Variants in KLHL22 observed in about 807,000 individuals in gnomAD.
The protein encoded by KLHL22 is kelch-like protein 22.
Under a neutral mutation model 60.7 loss-of-function variants are expected in KLHL22, and 18 were observed. That is an observed-to-expected ratio of 0.30 (90% CI 0.20 to 0.44). The LOEUF is 0.44. Among genes scored for constraint, KLHL22 ranks in the 20% least tolerant of loss-of-function variants. KLHL22 has a pLI of 1.00. For missense variants in KLHL22, 596 were observed against 852.3 expected (o/e 0.70, Z 3.74); for synonymous variants, 355 against 354.5 (o/e 1.00, Z -0.01).
rs1360445278 is a variant in KLHL22, at chr22:20,446,602, C to G, written c.1380G>C (p.Leu460=). 2.3e-5 allele frequency: 37 copies of G among 1,613,894 alleles called. No individual in the cohort carries two copies. Among genetic ancestry groups the G allele is most frequent in the Non-Finnish European group, 3.1e-5 (36 of 1,180,032 alleles). ...ITCGRRGEDY[L]KETHCYDPGS... is the part of the protein sequence containing the mutation. ...CTGGATCGTAGCAGTGTGTCTCTTT[C>G]AGGTAATCCTCCCCTCTGCGGCCGC... is the stretch of plus-strand genomic sequence containing the variant. Residue 460 remains leucine, a synonymous_variant, in exon 6 of 7, where the codon CTG becomes CTC. Coordinates refer to ENST00000328879, the MANE Select transcript of KLHL22 (RefSeq NM_032775.4).
At chr22:20,457,225 A>G (rs1434260519) in intron 5 of KLHL22, among the ~76,000 whole-genome samples, 1 of 152,074 alleles carries the variant, frequency 6.6e-6, no homozygotes, top group Non-Finnish European at 1.5e-5. Context: ...ATAATTTTAA[A>G]CATCTTCAAA....
intron 2 of KLHL22, chr22:20,484,149 T>C (rs5749808): frequency 0.33 from 212,065 of 642,668 alleles, 36,358 homozygotes; most frequent in East Asian, 0.48. Flanking sequence ...CAGGCTTTGC[T>C]GATGACCTAA....
chr22:20,492,775 A>G (rs2053711642), intron 1 of KLHL22, among the ~76,000 whole-genome samples: 1 of 152,172 alleles, frequency 6.6e-6, no homozygotes, highest in African/African-American at 2.4e-5. Context: ...CATTTTTAGC[A>G]GAAATGGGGT....
intron 2 of KLHL22, among the ~76,000 whole-genome samples, chr22:20,476,691 G>A (rs1027576151): frequency 1.4e-5 from 2 of 148,120 alleles, no homozygotes; most frequent in Non-Finnish European, 3.0e-5. Flanking sequence ...GGTATTACAG[G>A]CGTGAGCCAC....
chr22:20,454,893 C>T (rs555890160), intron 5 of KLHL22, among the ~76,000 whole-genome samples: 26 of 152,060 alleles, frequency 1.7e-4, no homozygotes, highest in African/African-American at 4.1e-4. Context: ...TGTTTTGAGA[C>T]GGAGTCTTGG....
intron 2 of KLHL22, among the ~76,000 whole-genome samples, chr22:20,473,058 T>C (rs1175018970): frequency 2.6e-5 from 4 of 152,132 alleles, no homozygotes; most frequent in African/African-American, 9.7e-5. Flanking sequence ...ACAGTCCAGA[T>C]TGAAATCTGA....
At chr22:20,471,193 CCA>C (rs2053321139) in intron 3 of KLHL22, among the ~76,000 whole-genome samples, 155 bp downstream of exon 3, 1 of 152,178 alleles carries the variant, frequency 6.6e-6, no homozygotes, top group African/African-American at 2.4e-5. Context: ...AGGAACAACT[CCA>C]GAGTCTTCCC....
intron 2 of KLHL22, among the ~76,000 whole-genome samples, chr22:20,474,967 A>C (rs986191793): frequency 6.6e-6 from 1 of 152,226 alleles, no homozygotes; most frequent in African/African-American, 2.4e-5. Flanking sequence ...GCTCTAACTC[A>C]CCACCACAAA....
At chr22:20,454,709 G>A (rs1402026593) in intron 5 of KLHL22, among the ~76,000 whole-genome samples, 1 of 152,136 alleles carries the variant, frequency 6.6e-6, no homozygotes, top group Non-Finnish European at 1.5e-5. Flanking sequence ...GAGGAATTCT[G>A]TATTAATATA....
intron 3 of KLHL22, among the ~76,000 whole-genome samples, chr22:20,470,516 C>A (rs1467376355): frequency 3.3e-5 from 5 of 152,022 alleles, no homozygotes; most frequent in Admixed American, 3.3e-4. Flanking sequence ...GGTGTAGTGG[C>A]ACATGCCTAT....
chr22:20,490,025 C>A (rs935285352), intron 1 of KLHL22, among the ~76,000 whole-genome samples: 1 of 152,208 alleles, frequency 6.6e-6, no homozygotes, highest in African/African-American at 2.4e-5. Flanking sequence ...AATGAACCTA[C>A]TGCAAATGCA....
intron 2 of KLHL22, among the ~76,000 whole-genome samples, chr22:20,481,007 A>G (rs1771654819): frequency 6.6e-6 from 1 of 151,262 alleles, no homozygotes; most frequent in African/African-American, 2.4e-5. Context: ...AATTTTTTGT[A>G]TTTTTAGTAG....
chr22:20,470,830 GCAT>G (rs1209752477), intron 3 of KLHL22, among the ~76,000 whole-genome samples: 12 of 142,882 alleles, frequency 8.4e-5, no homozygotes, highest in Admixed American at 1.4e-4. Context: ...ATGGATGGAT[GCAT>G]GCATGCATGG....
chr22:20,454,673 T>C (rs2146191387), intron 5 of KLHL22, among the ~76,000 whole-genome samples: 1 of 152,298 alleles, frequency 6.6e-6, no homozygotes, highest in East Asian at 1.9e-4. Flanking sequence ...AATACTAGTA[T>C]TCCTGTATTA....
In KLHL22 at chr22:20,480,307, A is replaced by G. The variant is rs1360127611; in HGVS notation, c.227+8678T>C. Among the ~76,000 whole-genome samples, 3 of 152,212 alleles carry G rather than the reference A, an allele frequency of 2.0e-5. No individual in the cohort carries two copies. In the East Asian group the frequency reaches 5.8e-4, roughly 29 times the overall value. On this transcript the variant is annotated intron_variant, in intron 2 of 6. Transcript: ENST00000328879. ...AATGTGAATAATCGTAATATTACTG[A>G]ACTAGATGGTAAGTGTTATTTGTGT...
At chr22:20,471,231 G>T in intron 3 of KLHL22, 119 bp downstream of exon 3, 4 of 916,498 alleles carry the variant, frequency 4.4e-6, no homozygotes, top group Non-Finnish European at 6.5e-6. Context: ...GTCACTGCTT[G>T]GTCTCCTCAC....
intron 2 of KLHL22, chr22:20,488,677 G>A (rs2053627772): frequency 4.3e-6 from 1 of 233,498 alleles, no homozygotes; most frequent in Admixed American, 5.8e-5. Context: ...GGGGAGGAAT[G>A]GTAAGGGAGG....
In KLHL22 at chr22:20,495,316, G is replaced by A. The variant is rs115435672; in HGVS notation, c.-34+444C>T. Among the ~76,000 whole-genome samples, 1,287 of 152,328 alleles carry A rather than the reference G, an allele frequency of 8.4e-3. 26 individuals carry two copies. The highest frequency in any genetic ancestry group is 0.029 in the African/African-American group (1,199 of 41,578). Reference sequence around the variant, plus strand: ...GCAAGGCTGGGCTCCTACGGCTGCAGTCCCCGGGCCCGATCGAGGGAACTG... The same window carrying A: ...GCAAGGCTGGGCTCCTACGGCTGCAATCCCCGGGCCCGATCGAGGGAACTG... On this transcript the variant is annotated intron_variant, in intron 1 of 6. Coordinates refer to ENST00000328879, the MANE Select transcript of KLHL22 (RefSeq NM_032775.4). This position sits in a 1 kb window ranked among gnomAD's most constrained non-coding sequence, Gnocchi z 4.6.
At chr22:20,467,575 CT>C (rs905995190) in intron 3 of KLHL22, among the ~76,000 whole-genome samples, 21 of 152,296 alleles carry the variant, frequency 1.4e-4, no homozygotes, top group African/African-American at 4.6e-4. Flanking sequence ...ATCAGTTTCT[CT>C]AAAAATGGGA....
Sources: allele counts gnomAD v4.1 joint callset (sites outside exome capture counted in the v4.1 genomes callset), GRCh38; gene constraint gnomAD v4.1.1; non-coding constraint Gnocchi (gnomAD v3.1); transcripts MANE v1.5; gene names NCBI Gene and HGNC (gene_info 2026-07-23, HGNC 2026-07-21).